Variants in KLHL32 observed in about 807,000 individuals in gnomAD.
The protein encoded by KLHL32 is kelch-like protein 32.
KLHL32 carries 35 observed loss-of-function variants against 64.8 expected under a neutral mutation model. The observed-to-expected ratio is 0.54, with a 90% CI of 0.41 to 0.72. KLHL32 has a LOEUF of 0.72. Ranked by LOEUF, KLHL32 falls within the 30% of genes least tolerant of loss-of-function variation. The pLI, the probability that KLHL32 is intolerant of heterozygous loss-of-function variation, is 0.00. For synonymous variants in KLHL32, 259 were observed against 281.0 expected (o/e 0.92, Z 0.78); for missense variants, 589 against 768.5 (o/e 0.77, Z 2.76).
chr6:97,049,997 G>A (rs1284355712), intron 4 of KLHL32, among the ~76,000 whole-genome samples: 5 of 152,060 alleles, frequency 3.3e-5, no homozygotes, highest in African/African-American at 7.2e-5. Flanking sequence ...TTTGCTTCAC[G>A]CCAGTCTGTT....
chr6:96,998,903 A>G (rs956948557), intron 3 of KLHL32, among the ~76,000 whole-genome samples: 2 of 152,242 alleles, frequency 1.3e-5, no homozygotes, highest in African/African-American at 4.8e-5. Flanking sequence ...TTTGGCTTAC[A>G]CTTAATTTTA....
intron 2 of KLHL32, among the ~76,000 whole-genome samples, chr6:96,972,407 A>G (rs1490845072): frequency 6.6e-6 from 1 of 152,274 alleles, no homozygotes; most frequent in East Asian, 1.9e-4. Context: ...GAGTATTACT[A>G]TTGTATTGAT....
chr6:97,027,642 A>G (rs1165947893), intron 3 of KLHL32, among the ~76,000 whole-genome samples: 2 of 152,190 alleles, frequency 1.3e-5, no homozygotes, highest in South Asian at 2.1e-4. Flanking sequence ...CAAGCTTAGG[A>G]TGATTTACTC....
At chr6:97,090,496 A>G (rs1047160871) in intron 6 of KLHL32, among the ~76,000 whole-genome samples, 1 of 152,198 alleles carries the variant, frequency 6.6e-6, no homozygotes, top group African/African-American at 2.4e-5. Flanking sequence ...ATTTTCTTCA[A>G]AAGGAGTCCC....
chr6:97,042,611 CACCTACCT>C (rs55820737), intron 4 of KLHL32, among the ~76,000 whole-genome samples: 2 of 151,778 alleles, frequency 1.3e-5, no homozygotes, highest in African/African-American at 4.9e-5. Context: ...TTTATCACCT[CACCTACCT>C]ACCTATTTTT....
At chr6:97,017,426 G>A (rs1781368957) in intron 3 of KLHL32, among the ~76,000 whole-genome samples, 1 of 152,224 alleles carries the variant, frequency 6.6e-6, no homozygotes, top group South Asian at 2.1e-4. Flanking sequence ...ACTATAGTTT[G>A]AGGTTTGCTG....
chr6:97,091,981 CTTT>C (rs11340950), intron 6 of KLHL32, among the ~76,000 whole-genome samples: 20 of 132,366 alleles, frequency 1.5e-4, no homozygotes, highest in Admixed American at 2.3e-4. Context: ...CTCTTTCTTT[CTTT>C]TTTTTTTTTT....
intron 2 of KLHL32, among the ~76,000 whole-genome samples, chr6:96,969,475 T>C (rs555108604): frequency 1.4e-4 from 21 of 152,316 alleles, no homozygotes; most frequent in African/African-American, 4.6e-4. Flanking sequence ...ATTTCCTGTA[T>C]TTTTGATGCA....
the KLHL32 span, chr6:96,914,662 C>T: frequency 6.6e-6 from 1 of 152,310 alleles, no homozygotes; most frequent in African/African-American, 2.4e-5. Flanking sequence ...CCAGCACTTA[C>T]ATCCTGGACA....
In KLHL32 at chr6:97,130,892, G is replaced by GA; in HGVS notation, c.1550dup (p.Asp517GlufsTer8). ...TGACCGGATCCTTGTGCGCCATATA[G>GA]ATTCTTACAACATAGACACTGACCA... On this transcript the variant is annotated frameshift_variant, in exon 9 of 11. Coordinates refer to ENST00000369261, the MANE Select transcript of KLHL32 (RefSeq NM_052904.4). LOFTEE classifies it high-confidence loss of function. The GA allele has an allele frequency of 6.2e-7, 1 of 1,614,050 alleles. No individual in the cohort carries two copies. The highest frequency in any genetic ancestry group is 8.5e-7 in the Non-Finnish European group (1 of 1,179,958).
intron 6 of KLHL32, among the ~76,000 whole-genome samples, chr6:97,089,141 C>T (rs1351733671): frequency 6.6e-6 from 1 of 152,196 alleles, no homozygotes; most frequent in African/African-American, 2.4e-5. Context: ...TTTCCCTCTT[C>T]CAGGCCTCCT....
chr6:97,126,345 T>A (rs530730679), intron 7 of KLHL32, among the ~76,000 whole-genome samples: 1 of 128,124 alleles, frequency 7.8e-6, no homozygotes, highest in East Asian at 2.0e-4. Flanking sequence ...CTGTTTTATG[T>A]TTTTTTTTTT....
chr6:96,938,287 G>A (rs1770857023), intron 1 of KLHL32, among the ~76,000 whole-genome samples: 2 of 152,052 alleles, frequency 1.3e-5, no homozygotes, highest in Admixed American at 1.3e-4. Flanking sequence ...AAAAACAAAT[G>A]TGTGGTTCAG....
intron 6 of KLHL32, among the ~76,000 whole-genome samples, chr6:97,090,529 C>A (rs1459698384): frequency 6.6e-6 from 1 of 152,202 alleles, no homozygotes; most frequent in Non-Finnish European, 1.5e-5. Flanking sequence ...AAACAAAAAG[C>A]TACTATCCCT....
intron 6 of KLHL32, among the ~76,000 whole-genome samples, chr6:97,110,219 T>C (rs1377728455): frequency 6.6e-6 from 1 of 152,222 alleles, no homozygotes; most frequent in Non-Finnish European, 1.5e-5. Context: ...TTACCATACA[T>C]AGATAATTTT....
At chr6:96,959,383 T>C (rs1480309313) in intron 1 of KLHL32, among the ~76,000 whole-genome samples, 1 of 152,120 alleles carries the variant, frequency 6.6e-6, no homozygotes, top group Non-Finnish European at 1.5e-5. Context: ...ACAACACAAA[T>C]TTATTTTCTC....
intron 4 of KLHL32, among the ~76,000 whole-genome samples, chr6:97,048,066 A>T (rs1461684269): frequency 6.6e-6 from 1 of 152,212 alleles, no homozygotes. Flanking sequence ...GTTGAAACCT[A>T]GTTAGCTTCC....
chr6:97,131,638 T>C (rs919105374), intron 9 of KLHL32, among the ~76,000 whole-genome samples: 4 of 152,186 alleles, frequency 2.6e-5, no homozygotes, highest in Non-Finnish European at 5.9e-5. Context: ...ATCAGATCCC[T>C]TCCATGTCTG....
chr6:96,949,179 T>A (rs768501140), intron 1 of KLHL32, among the ~76,000 whole-genome samples: 26 of 152,212 alleles, frequency 1.7e-4, no homozygotes, highest in African/African-American at 6.3e-4. Flanking sequence ...AATAGGGACA[T>A]TGCATGTCTT....
Sources: gnomAD v4.1 joint callset for allele counts (sites outside exome capture counted in the v4.1 genomes callset) on GRCh38, gnomAD v4.1.1 for gene constraint, MANE v1.5 for transcripts, NCBI Gene and HGNC (gene_info 2026-07-23, HGNC 2026-07-21) for gene names.